CTNNA2: variants seen among roughly 807,000 people sequenced by gnomAD.
CTNNA2 encodes catenin alpha 2, also known as catenin alpha-2.
CTNNA2 carries 42 observed loss-of-function variants against 101.0 expected under a neutral mutation model. That is an observed-to-expected ratio of 0.42 (90% CI 0.32 to 0.54). The LOEUF is 0.54. Among genes scored for constraint, CTNNA2 ranks in the 20% least tolerant of loss-of-function variants. CTNNA2 has a pLI of 0.14. For missense variants in CTNNA2, 871 were observed against 1,223.1 expected (o/e 0.71, Z 4.29); for synonymous variants, 450 against 456.4 (o/e 0.99, Z 0.18).
At chr2:79,810,810 G>A (rs1014073215) in intron 3 of CTNNA2, among the ~76,000 whole-genome samples, 3 of 151,896 alleles carry the variant, frequency 2.0e-5, no homozygotes, top group Non-Finnish European at 4.4e-5. Context: ...AGTTTGCTGA[G>A]AATGATGGTT....
chr2:79,263,518 A>C (rs1674949869), intron 2 of CTNNA2, among the ~76,000 whole-genome samples: 1 of 152,182 alleles, frequency 6.6e-6, no homozygotes, highest in South Asian at 2.1e-4. Flanking sequence ...ACCATGAGCC[A>C]AAATAAACCT....
intron 1 of CTNNA2, among the ~76,000 whole-genome samples, chr2:79,603,728 G>A (rs10173918): frequency 1.3e-5 from 2 of 152,136 alleles, no homozygotes; most frequent in South Asian, 2.1e-4. Flanking sequence ...ATTGTTGGTG[G>A]CAATACAAAT....
chr2:79,922,633 A>C (rs1430125219), intron 7 of CTNNA2, among the ~76,000 whole-genome samples: 1 of 133,012 alleles, frequency 7.5e-6, no homozygotes, highest in Non-Finnish European at 1.6e-5. Context: ...AAACCATATC[A>C]GTTTTTTACT....
chr2:80,642,776 T>C (rs996829798), intron 18 of CTNNA2, among the ~76,000 whole-genome samples: 1 of 152,200 alleles, frequency 6.6e-6, no homozygotes, highest in African/African-American at 2.4e-5. Context: ...CTTATTACGA[T>C]GTTCTTCAGC....
intron 7 of CTNNA2, among the ~76,000 whole-genome samples, chr2:80,312,816 T>C (rs1056995988): frequency 6.6e-6 from 1 of 152,238 alleles, no homozygotes; most frequent in African/African-American, 2.4e-5. Flanking sequence ...TTACTTTCTC[T>C]GTGTTTTAGA....
At chr2:79,874,002 G>T in intron 5 of CTNNA2, 74 bp from the exon 6 acceptor site, 1 of 1,564,326 alleles carries the variant, frequency 6.4e-7, no homozygotes, top group South Asian at 1.2e-5. Flanking sequence ...AAGAGTCTGT[G>T]ACTCCAAACT....
chr2:79,821,519 A>G (rs1678005067), intron 3 of CTNNA2, among the ~76,000 whole-genome samples: 1 of 152,192 alleles, frequency 6.6e-6, no homozygotes, highest in Non-Finnish European at 1.5e-5. Flanking sequence ...AATTGTTTTT[A>G]GATGCTAAAC....
chr2:80,408,304 C>T (rs545600811), intron 8 of CTNNA2, among the ~76,000 whole-genome samples: 89 of 152,230 alleles, frequency 5.8e-4, no homozygotes, highest in African/African-American at 2.0e-3. Flanking sequence ...CCTACCACAC[C>T]GTAACAGGTG....
In CTNNA2 at chr2:80,507,958, A is replaced by T. The variant is rs75347484; in HGVS notation, c.1291-37024A>T. ...GCACTGTGATTGCTCAGATTTGGCA[A>T]GACAGGCACTTCACTGCATCCTGGA... is the stretch of plus-strand genomic sequence containing the variant. On this transcript the variant is annotated intron_variant, in intron 9 of 18. Transcript: ENST00000402739. 4.6e-3 allele frequency among the ~76,000 whole-genome samples: 693 copies of T among 152,146 alleles called. 14 individuals are homozygous for T. Among genetic ancestry groups the T allele is most frequent in the East Asian group, 0.044 (229 of 5,160 alleles).
At chr2:80,503,702 G>T (rs900508339) in intron 9 of CTNNA2, among the ~76,000 whole-genome samples, 1 of 152,212 alleles carries the variant, frequency 6.6e-6, no homozygotes, top group Non-Finnish European at 1.5e-5. Flanking sequence ...TTCAAGCTTG[G>T]AATGTCCCGT....
At chr2:79,282,417 C>A (rs1675416748) in intron 2 of CTNNA2, among the ~76,000 whole-genome samples, 1 of 152,072 alleles carries the variant, frequency 6.6e-6, no homozygotes, top group Non-Finnish European at 1.5e-5. Context: ...CTCCCCCCAC[C>A]CTACAACAGT....
intron 2 of CTNNA2, among the ~76,000 whole-genome samples, chr2:79,673,389 G>C (rs2104596427): frequency 6.6e-6 from 1 of 152,078 alleles, no homozygotes; most frequent in Middle Eastern, 3.4e-3. Flanking sequence ...ATATAAACTT[G>C]AATTTCCATA....
chr2:79,700,310 A>G (rs184776321), intron 2 of CTNNA2, among the ~76,000 whole-genome samples: 5 of 152,228 alleles, frequency 3.3e-5, no homozygotes, highest in Admixed American at 6.5e-5. Context: ...GCCTAAGGGA[A>G]TAGTAAGGTT....
chr2:79,325,959 G>A (rs1188735835), intron 3 of CTNNA2, among the ~76,000 whole-genome samples: 1 of 152,274 alleles, frequency 6.6e-6, no homozygotes, highest in South Asian at 2.1e-4. Flanking sequence ...CTTTGTATAA[G>A]AGTCAATTCA....
intron 3 of CTNNA2, among the ~76,000 whole-genome samples, chr2:79,318,792 T>C (rs751764881): frequency 5.9e-5 from 9 of 152,216 alleles, no homozygotes; most frequent in Non-Finnish European, 1.3e-4. Context: ...ATGGTAGAAA[T>C]TGTATGTCCT....
At chr2:80,471,275 G>A (rs1685284088) in intron 9 of CTNNA2, among the ~76,000 whole-genome samples, 1 of 152,196 alleles carries the variant, frequency 6.6e-6, no homozygotes, top group African/African-American at 2.4e-5. Context: ...CCATGAGAAA[G>A]CCAGGGTGCT....
chr2:80,502,543 T>G (rs1687958238), intron 9 of CTNNA2, among the ~76,000 whole-genome samples: 1 of 152,202 alleles, frequency 6.6e-6, no homozygotes, highest in African/African-American at 2.4e-5. Flanking sequence ...CAAATTAAGC[T>G]CCTGACCTAC....
intron 1 of CTNNA2, chr2:79,634,786 G>C (rs1679909858): frequency 6.6e-6 from 1 of 152,308 alleles, no homozygotes; most frequent in African/African-American, 2.4e-5. Context: ...CACAAGAAAA[G>C]TCTTAGAGGA....
At chr2:80,498,851 T>C (rs924595015) in intron 9 of CTNNA2, among the ~76,000 whole-genome samples, 5 of 152,226 alleles carry the variant, frequency 3.3e-5, no homozygotes, top group African/African-American at 9.6e-5. Context: ...TTTTTATTAA[T>C]TGGCTTCTGA....
Sources: allele counts gnomAD v4.1 joint callset (sites outside exome capture counted in the v4.1 genomes callset), GRCh38; gene constraint gnomAD v4.1.1; transcripts MANE v1.5; gene names NCBI Gene and HGNC (gene_info 2026-07-23, HGNC 2026-07-21).